The following STK4 variants were observed in gnomAD, a reference collection of about 807,000 sequenced individuals.
STK4 encodes serine/threonine-protein kinase 4.
A neutral mutation model predicts 64.9 loss-of-function variants in STK4; 30 were observed. That is an observed-to-expected ratio of 0.46 (90% confidence interval 0.35 to 0.63). STK4 has a LOEUF of 0.63. Ranked by LOEUF, STK4 falls within the 20% of genes least tolerant of loss-of-function variation. The probability of loss-of-function intolerance (pLI) is 0.01; values close to 1 mark genes in which losing one functional copy is unlikely to be tolerated. For synonymous variants in STK4, 177 were observed against 199.0 expected (o/e 0.89, Z 0.93); for missense variants, 466 against 598.5 (o/e 0.78, Z 2.31).
chr20:45,015,329 C>T (rs1163793232), intron 9 of STK4, among the ~76,000 whole-genome samples: 1 of 152,216 alleles, frequency 6.6e-6, no homozygotes, highest in African/African-American at 2.4e-5. Flanking sequence ...AGAACATTGT[C>T]TCCCTTGTGT....
intron 5 of STK4, among the ~76,000 whole-genome samples, chr20:44,994,566 T>G (rs1199759637): frequency 1.3e-5 from 2 of 152,032 alleles, no homozygotes; most frequent in African/African-American, 2.4e-5. Flanking sequence ...TTGATGATCA[T>G]TTGAGTTGTT....
chr20:45,040,412 A>T (rs1420167339), intron 10 of STK4, among the ~76,000 whole-genome samples: 2 of 152,082 alleles, frequency 1.3e-5, no homozygotes, highest in African/African-American at 4.8e-5. Context: ...AAATTCGTGG[A>T]TTTAAAAATA....
rs1389827885 is a variant in STK4, at chr20:45,000,330, G to A, written c.832-62G>A. ...TTATCCAGTACCTACTGTGTTCCAG[G>A]TACTGTTTTGGCACTGTCACCATAT... On this transcript the variant is annotated intron_variant, in intron 7 of 10. Transcript: ENST00000372806. The A allele has an allele frequency of 2.6e-6, 4 of 1,558,460 alleles. No individual in the cohort carries two copies. The East Asian group carries it at 6.9e-5, about 27-fold the overall frequency.
At chr20:44,994,805 TATTA>T (rs895136330) in intron 5 of STK4, among the ~76,000 whole-genome samples, 2 of 152,196 alleles carry the variant, frequency 1.3e-5, no homozygotes, top group Non-Finnish European at 2.9e-5. Context: ...CAGCATTAAT[TATTA>T]ATTTAAAATT....
chr20:45,068,819 G>A (rs1979811958), intron 10 of STK4, among the ~76,000 whole-genome samples: 1 of 152,200 alleles, frequency 6.6e-6, no homozygotes, highest in Non-Finnish European at 1.5e-5. Flanking sequence ...GTTGAGTTCA[G>A]CATTTAACAG....
At chr20:44,982,078 T>C in intron 4 of STK4, 135 bp downstream of exon 4, 1 of 657,806 alleles carries the variant, frequency 1.5e-6, no homozygotes, top group Non-Finnish European at 2.7e-6. Context: ...ATTTTCCATC[T>C]TTATTCTTTT....
intron 9 of STK4, among the ~76,000 whole-genome samples, chr20:45,023,935 C>G (rs935145619): frequency 1.5e-5 from 2 of 132,608 alleles, no homozygotes; most frequent in Non-Finnish European, 3.1e-5. Flanking sequence ...GAGTCTCGCT[C>G]TGTCACCCAG....
chr20:45,017,395 G>C (rs2068161496), intron 9 of STK4, among the ~76,000 whole-genome samples: 1 of 152,362 alleles, frequency 6.6e-6, no homozygotes, highest in South Asian at 2.1e-4. Flanking sequence ...TGCTAGGTAA[G>C]TGGTACAGGA....
chr20:45,045,416 G>A (rs1039328234), intron 10 of STK4, among the ~76,000 whole-genome samples: 1 of 152,170 alleles, frequency 6.6e-6, no homozygotes, highest in African/African-American at 2.4e-5. Context: ...TAATTCATAA[G>A]TGTGTGTGTT....
intron 9 of STK4, among the ~76,000 whole-genome samples, chr20:45,010,892 A>G (rs1325905044): frequency 1.3e-5 from 2 of 152,170 alleles, no homozygotes; most frequent in Non-Finnish European, 2.9e-5. Context: ...AGCTAATGAT[A>G]TTGTTACCTC....
intron 10 of STK4, among the ~76,000 whole-genome samples, chr20:45,042,467 T>C (rs2068629110): frequency 6.6e-6 from 1 of 152,168 alleles, no homozygotes. Flanking sequence ...ATGCAGAACT[T>C]TTCTCATTAT....
At position 45,067,864 on chromosome 20, in the gene STK4, C is replaced by T. The variant is rs574749091; in HGVS notation, c.1306-7154C>T. On this transcript the variant is annotated intron_variant, in intron 10 of 10. Coordinates refer to ENST00000372806, the MANE Select transcript of STK4 (RefSeq NM_006282.5). ...AGTGACCTGGCCCAGAGGAAATAAACCAGGTGGGTATGATTTAGGGTTTCT... is the reference window on the plus strand; with the variant it reads ...AGTGACCTGGCCCAGAGGAAATAAATCAGGTGGGTATGATTTAGGGTTTCT... Among the ~76,000 whole-genome samples the T allele has an allele frequency of 6.6e-5, 10 of 152,222 alleles. No homozygotes were observed. The South Asian group carries it at 2.1e-3, about 32-fold the overall frequency.
At chr20:45,051,945 A>T (rs1414448217) in intron 10 of STK4, among the ~76,000 whole-genome samples, 1 of 152,176 alleles carries the variant, frequency 6.6e-6, no homozygotes, top group Non-Finnish European at 1.5e-5. Flanking sequence ...CCTCTTTCAT[A>T]GGGCTGTCGT....
At chr20:44,979,355 C>T (rs911537866) in intron 3 of STK4, among the ~76,000 whole-genome samples, 3 of 152,038 alleles carry the variant, frequency 2.0e-5, no homozygotes, top group African/African-American at 7.2e-5. Context: ...AAAAATTATT[C>T]TAGCTGAGAG....
intron 10 of STK4, among the ~76,000 whole-genome samples, chr20:45,050,210 G>A (rs2068756654): frequency 6.6e-6 from 1 of 152,138 alleles, no homozygotes; most frequent in Admixed American, 6.5e-5. Flanking sequence ...GAGCCAGTTT[G>A]GCCTGTGGCA....
At chr20:45,040,028 G>A in intron 10 of STK4, among the ~76,000 whole-genome samples, 1 of 151,260 alleles carries the variant, frequency 6.6e-6, no homozygotes. Flanking sequence ...CTAGAAGCTT[G>A]ATCAGAATCA....
rs545695428 is a variant in STK4 at position 45,043,174 on chromosome 20, G to A, written c.1305+18044G>A. 1.9e-3 allele frequency among the ~76,000 whole-genome samples: 286 copies of A among 152,250 alleles called. 1 individual carries two copies. Among genetic ancestry groups the A allele is most frequent in the African/African-American group, 6.7e-3 (277 of 41,542 alleles). On this transcript the variant is annotated intron_variant, in intron 10 of 10. Transcript: ENST00000372806. ...CCAGCTCCATCCATATCCCTGTGAAGGACATGATCTCCTTCCTTTTTATGG... is the reference window on the plus strand; with the variant it reads ...CCAGCTCCATCCATATCCCTGTGAAAGACATGATCTCCTTCCTTTTTATGG...
chr20:45,004,897 T>C (rs2067909989), intron 9 of STK4, among the ~76,000 whole-genome samples: 1 of 151,930 alleles, frequency 6.6e-6, no homozygotes, highest in Non-Finnish European at 1.5e-5. Context: ...GCCTCCCAAG[T>C]AGCTGGGATT....
chr20:45,032,896 A>T (rs150182014), intron 10 of STK4, among the ~76,000 whole-genome samples: 1 of 152,168 alleles, frequency 6.6e-6, no homozygotes, highest in East Asian at 1.9e-4. Context: ...CCAGCAGTGT[A>T]TAAGTAATCC....
Sources: allele counts gnomAD v4.1 joint callset (sites outside exome capture counted in the v4.1 genomes callset), GRCh38; gene constraint gnomAD v4.1.1; transcripts MANE v1.5; gene names NCBI Gene and HGNC (gene_info 2026-07-23, HGNC 2026-07-21).